Variants in BCAR3 observed in about 807,000 individuals in gnomAD.
The protein encoded by BCAR3 is breast cancer anti-estrogen resistance protein 3.
In BCAR3, 37 loss-of-function variants were observed where a neutral mutation model predicts 80.1. The observed-to-expected ratio is 0.46, with a 90% CI of 0.36 to 0.61. The LOEUF (loss-of-function observed/expected upper bound fraction) is 0.61. Ranked by LOEUF, BCAR3 falls within the 20% of genes least tolerant of loss-of-function variation. The probability of loss-of-function intolerance (pLI) is 0.00; values close to 1 mark genes in which losing one functional copy is unlikely to be tolerated. For synonymous variants in BCAR3, 389 were observed against 418.9 expected (o/e 0.93, Z 0.87); for missense variants, 978 against 1,068.2 (o/e 0.92, Z 1.18).
At chr1:93,624,978 AG>A (rs1557627327) in intron 3 of BCAR3, among the ~76,000 whole-genome samples, 1 of 152,180 alleles carries the variant, frequency 6.6e-6, no homozygotes, top group African/African-American at 2.4e-5. Context: ...TGGGAGGCCG[AG>A]GAGGGCGGAT....
intron 2 of BCAR3, among the ~76,000 whole-genome samples, chr1:93,653,942 C>T (rs1445969779): frequency 6.6e-6 from 1 of 152,198 alleles, no homozygotes; most frequent in Non-Finnish European, 1.5e-5. Flanking sequence ...TCCCGCTGGA[C>T]ACCTGCAATA....
intron 1 of BCAR3, 60 bp from the exon 2 acceptor site, chr1:93,675,001 C>T: frequency 1.5e-6 from 2 of 1,352,812 alleles, no homozygotes; most frequent in Non-Finnish European, 2.0e-6. Flanking sequence ...AACTGACTTC[C>T]TACTTACAAA....
intron 2 of BCAR3, among the ~76,000 whole-genome samples, chr1:93,736,941 C>T (rs953249698): frequency 8.5e-5 from 13 of 152,202 alleles, no homozygotes; most frequent in African/African-American, 2.9e-4. Flanking sequence ...AATCATCTTA[C>T]GCATGTTGAA....
chr1:93,702,761 G>A (rs1649690308), intron 3 of BCAR3, among the ~76,000 whole-genome samples: 1 of 152,234 alleles, frequency 6.6e-6, no homozygotes, highest in African/African-American at 2.4e-5. Flanking sequence ...GCCAGGCATT[G>A]TATTTCAGAA....
intron 2 of BCAR3, among the ~76,000 whole-genome samples, chr1:93,771,572 G>A (rs75209071): frequency 2.8e-4 from 42 of 152,290 alleles, no homozygotes; most frequent in East Asian, 2.3e-3. Context: ...TTTGGAATAG[G>A]TAAATACCTA....
intron 2 of BCAR3, among the ~76,000 whole-genome samples, chr1:93,740,462 C>T (rs898184080): frequency 6.6e-6 from 1 of 152,196 alleles, no homozygotes; most frequent in African/African-American, 2.4e-5. Context: ...CTGTCCTCAC[C>T]CAAAGACAGA....
Position 93,607,266 on chromosome 1 carries a change from C to G in BCAR3, c.358-14873G>C, listed in dbSNP as rs59218301. On this transcript the variant is annotated intron_variant, in intron 3 of 11. Coordinates refer to ENST00000260502, the MANE Select transcript of BCAR3 (RefSeq NM_003567.4). The stretch of plus-strand genomic sequence containing the variant: ...TCAATAATTTTAAAAAGACTGTTAA[C>G]CAGCTTCGGGGTGGAGGAAGATGGG... 7.6e-3 allele frequency among the ~76,000 whole-genome samples: 1,153 copies of G among 152,208 alleles called. 11 individuals carry two copies. The highest frequency in any genetic ancestry group is 0.026 in the African/African-American group (1,085 of 41,506).
At chr1:93,744,550 G>C (rs1009668862) in intron 2 of BCAR3, among the ~76,000 whole-genome samples, 30 of 152,202 alleles carry the variant, frequency 2.0e-4, no homozygotes, top group Non-Finnish European at 7.3e-5. Flanking sequence ...ACAGGAGCTA[G>C]AGCCCTGCTC....
chr1:93,803,435 C>T (rs1283761612), intron 2 of BCAR3, among the ~76,000 whole-genome samples: 1 of 151,994 alleles, frequency 6.6e-6, no homozygotes, highest in Admixed American at 6.6e-5. Context: ...TTTAGCAAAC[C>T]CAGGATTTAC....
At chr1:93,612,980 AG>A (rs1406759755) in intron 3 of BCAR3, among the ~76,000 whole-genome samples, 1 of 152,246 alleles carries the variant, frequency 6.6e-6, no homozygotes, top group Non-Finnish European at 1.5e-5. Flanking sequence ...TTGAGAAGAA[AG>A]AAGCAGAACA....
chr1:93,647,875 C>T (rs548640827), intron 2 of BCAR3, among the ~76,000 whole-genome samples: 72 of 151,964 alleles, frequency 4.7e-4, no homozygotes, highest in African/African-American at 1.6e-3. Context: ...CGGGTTCAAG[C>T]GATTCTCCTG....
At chr1:93,741,515 A>G (rs1278713764) in intron 2 of BCAR3, among the ~76,000 whole-genome samples, 1 of 152,260 alleles carries the variant, frequency 6.6e-6, no homozygotes, top group Non-Finnish European at 1.5e-5. Flanking sequence ...AGCACTTACA[A>G]TAATGCTTAG....
chr1:93,617,771 G>A (rs941081709), intron 3 of BCAR3, among the ~76,000 whole-genome samples: 8 of 152,200 alleles, frequency 5.3e-5, no homozygotes, highest in African/African-American at 1.9e-4. Context: ...TGGGAAGTAG[G>A]CAATGATTAG....
At chr1:93,846,108 T>A (rs1462233164) in intron 1 of BCAR3, among the ~76,000 whole-genome samples, 2 of 152,056 alleles carry the variant, frequency 1.3e-5, no homozygotes, top group African/African-American at 4.8e-5. Context: ...AAGGGGACGG[T>A]GGTGTGTATG....
chr1:93,802,207 G>A (rs1571138458), intron 2 of BCAR3, among the ~76,000 whole-genome samples: 1 of 151,926 alleles, frequency 6.6e-6, no homozygotes, highest in Non-Finnish European at 1.5e-5. Context: ...GTACTCAAGA[G>A]GCTGAGGTGG....
chr1:93,616,906 C>T (rs778611217), intron 3 of BCAR3, among the ~76,000 whole-genome samples: 3 of 152,174 alleles, frequency 2.0e-5, no homozygotes, highest in Non-Finnish European at 4.4e-5. Context: ...TCCTTTGCAC[C>T]GAGGGAAACA....
chr1:93,814,997 C>A (rs552952502), intron 2 of BCAR3, among the ~76,000 whole-genome samples: 1 of 152,356 alleles, frequency 6.6e-6, no homozygotes, highest in African/African-American at 2.4e-5. Flanking sequence ...TGCCTTCTTT[C>A]CTACTTTTAA....
chr1:93,814,318 C>T (rs796319359), intron 2 of BCAR3, among the ~76,000 whole-genome samples: 6 of 152,364 alleles, frequency 3.9e-5, no homozygotes, highest in South Asian at 2.1e-4. Context: ...AACTCTGACA[C>T]TTCACTGGTT....
intron 5 of BCAR3, among the ~76,000 whole-genome samples, chr1:93,584,642 T>TC (rs1395850112): frequency 6.6e-6 from 1 of 152,096 alleles, no homozygotes; most frequent in East Asian, 1.9e-4. Context: ...GAGGCTGCCA[T>TC]CCCCAACCTC....
Sources: allele counts gnomAD v4.1 joint callset (sites outside exome capture counted in the v4.1 genomes callset), GRCh38; gene constraint gnomAD v4.1.1; transcripts MANE v1.5; gene names NCBI Gene and HGNC (gene_info 2026-07-23, HGNC 2026-07-21).